Variants in TMEM132C observed in about 807,000 individuals in gnomAD.
The protein encoded by TMEM132C is transmembrane protein 132C, also known as protein phosphatase 1, regulatory subunit 152.
A neutral mutation model predicts 61.4 loss-of-function variants in TMEM132C; 29 were observed. That is an observed-to-expected ratio of 0.47 (90% CI 0.35 to 0.64). The LOEUF is 0.64. TMEM132C is among the 30% of genes least tolerant of loss of function. The probability of loss-of-function intolerance (pLI) is 0.00; values close to 1 mark genes in which losing one functional copy is unlikely to be tolerated. For synonymous variants in TMEM132C, 656 were observed against 633.1 expected (o/e 1.04, Z -0.54); for missense variants, 1,408 against 1,476.9 (o/e 0.95, Z 0.76).
intron 4 of TMEM132C, among the ~76,000 whole-genome samples, chr12:128,620,417 G>A (rs1254969450): frequency 6.6e-6 from 1 of 152,086 alleles, no homozygotes; most frequent in Non-Finnish European, 1.5e-5. Flanking sequence ...TTCCTAAGGT[G>A]AGGTCCAGAT....
intron 2 of TMEM132C, chr12:128,438,875 T>C (rs1356680372): frequency 2.0e-5 from 3 of 152,226 alleles, no homozygotes; most frequent in Non-Finnish European, 4.4e-5. Context: ...TTGAGAACAC[T>C]CAGATTTGGA....
chr12:128,365,130 G>C (rs909094204), intron 1 of TMEM132C, among the ~76,000 whole-genome samples: 1 of 152,152 alleles, frequency 6.6e-6, no homozygotes, highest in Non-Finnish European at 1.5e-5. Flanking sequence ...AGTGAGACAC[G>C]ACACTGGGGG....
rs546496939 is a variant in TMEM132C at position 128,624,316 on chromosome 12, C to T, written c.1305+7981C>T. 9.2e-5 allele frequency among the ~76,000 whole-genome samples: 14 copies of T among 152,012 alleles called. No homozygotes were observed. In the South Asian group the frequency reaches 1.5e-3, roughly 16 times the overall value. The stretch of plus-strand genomic sequence containing the variant: ...ATCCCAGCACTTTGGGAGCCCGAGG[C>T]GAGTGGACCACAAGGTCAGGAGTTC... On this transcript the variant is annotated intron_variant, in intron 4 of 8. Transcript: ENST00000435159.
intron 2 of TMEM132C, among the ~76,000 whole-genome samples, chr12:128,457,065 G>A (rs1351751801): frequency 1.3e-5 from 2 of 152,134 alleles, no homozygotes; most frequent in African/African-American, 4.8e-5. Context: ...GTGGCCTCCA[G>A]TTTGGGCTAT....
At chr12:128,561,333 G>C (rs1874511459) in intron 3 of TMEM132C, among the ~76,000 whole-genome samples, 1 of 152,176 alleles carries the variant, frequency 6.6e-6, no homozygotes. Context: ...TTTCATGCCA[G>C]GCTGCCTCTC....
chr12:128,306,314 G>C (rs983587133), intron 1 of TMEM132C, among the ~76,000 whole-genome samples: 2 of 149,462 alleles, frequency 1.3e-5, no homozygotes, highest in Admixed American at 1.4e-4. Flanking sequence ...CCATACTCCT[G>C]CCTCAGCCTC....
chr12:128,608,291 C>T (rs1470997937), intron 3 of TMEM132C, among the ~76,000 whole-genome samples: 2 of 152,134 alleles, frequency 1.3e-5, no homozygotes, highest in Non-Finnish European at 2.9e-5. Flanking sequence ...GGTCAAAAAC[C>T]GATTCTTCTA....
chr12:128,375,951 G>A (rs7955917), intron 1 of TMEM132C, among the ~76,000 whole-genome samples: 21,755 of 152,192 alleles, frequency 0.14, 1,833 homozygotes, highest in East Asian at 0.4. Flanking sequence ...ACCTAGGCAA[G>A]GCCAGCTCAT....
At chr12:128,344,048 G>A (rs886096091) in intron 1 of TMEM132C, among the ~76,000 whole-genome samples, 4 of 152,130 alleles carry the variant, frequency 2.6e-5, no homozygotes, top group Non-Finnish European at 4.4e-5. Context: ...CCATTCATTC[G>A]TTGATAGACG....
chr12:128,692,534 G>A (rs1954727618), intron 5 of TMEM132C, among the ~76,000 whole-genome samples: 1 of 152,184 alleles, frequency 6.6e-6, no homozygotes, highest in African/African-American at 2.4e-5. Flanking sequence ...ATTCATCGGG[G>A]TGGCAGAAAC....
intron 2 of TMEM132C, among the ~76,000 whole-genome samples, chr12:128,450,018 G>A (rs1870127876): frequency 6.6e-6 from 1 of 152,192 alleles, no homozygotes; most frequent in Non-Finnish European, 1.5e-5. Flanking sequence ...AGTTTCACAA[G>A]TGAGTTACTA....
At chr12:128,277,790 C>T (rs1406238312) in intron 1 of TMEM132C, among the ~76,000 whole-genome samples, 6 of 152,180 alleles carry the variant, frequency 3.9e-5, no homozygotes, top group Admixed American at 1.3e-4. Context: ...GAGGTCAGCT[C>T]GTTTCTCCTG....
At chr12:128,563,825 G>A (rs1874604066) in intron 3 of TMEM132C, among the ~76,000 whole-genome samples, 3 of 152,142 alleles carry the variant, frequency 2.0e-5, no homozygotes, top group Non-Finnish European at 4.4e-5. Flanking sequence ...CATTTGGGCT[G>A]CTCAAACAAA....
chr12:128,346,862 G>A (rs911534571), intron 1 of TMEM132C, among the ~76,000 whole-genome samples: 6 of 152,142 alleles, frequency 3.9e-5, no homozygotes, highest in African/African-American at 1.4e-4. Context: ...CTATCCCTAT[G>A]TTAGTTCCAT....
At chr12:128,659,976 G>A (rs1275588563) in intron 4 of TMEM132C, among the ~76,000 whole-genome samples, 1 of 152,172 alleles carries the variant, frequency 6.6e-6, no homozygotes, top group Non-Finnish European at 1.5e-5. Context: ...CGCGCTGCTG[G>A]CTTTGTGAAT....
intron 3 of TMEM132C, among the ~76,000 whole-genome samples, chr12:128,565,451 C>G (rs758326656): frequency 6.6e-6 from 1 of 152,204 alleles, no homozygotes; most frequent in Non-Finnish European, 1.5e-5. Context: ...GCATAACTCA[C>G]AGTGTTCTTA....
At chr12:128,470,585 A>G (rs1565945614) in intron 2 of TMEM132C, among the ~76,000 whole-genome samples, 1 of 152,192 alleles carries the variant, frequency 6.6e-6, no homozygotes, top group Admixed American at 6.5e-5. Context: ...GCATGGGTCA[A>G]TCACATACAC....
chr12:128,397,523 TA>T (rs1046519416), intron 1 of TMEM132C, among the ~76,000 whole-genome samples: 7 of 152,106 alleles, frequency 4.6e-5, no homozygotes, highest in African/African-American at 1.7e-4. Context: ...CAAACCACCA[TA>T]AAGCAGAGCA....
At chr12:128,478,781 C>A (rs575418003) in intron 2 of TMEM132C, among the ~76,000 whole-genome samples, 1 of 152,322 alleles carries the variant, frequency 6.6e-6, no homozygotes, top group Non-Finnish European at 1.5e-5. Flanking sequence ...CGCATCTGCT[C>A]ATTTAATCCT....
Sources: gnomAD v4.1 joint callset for allele counts (sites outside exome capture counted in the v4.1 genomes callset) on GRCh38, gnomAD v4.1.1 for gene constraint, MANE v1.5 for transcripts, NCBI Gene and HGNC (gene_info 2026-07-23, HGNC 2026-07-21) for gene names.